Variants in GRID1 observed in about 807,000 individuals in gnomAD.
The protein encoded by GRID1 is glutamate ionotropic receptor delta type subunit 1.
GRID1 carries 28 observed loss-of-function variants against 98.0 expected under a neutral mutation model. The ratio of observed to expected loss-of-function variants is 0.29; its 90% CI spans 0.21 to 0.39. GRID1 has a LOEUF of 0.39. Ranked by LOEUF, GRID1 falls within the 10% of genes least tolerant of loss-of-function variation. The pLI, the probability that GRID1 is intolerant of heterozygous loss-of-function variation, is 1.00. For synonymous variants in GRID1, 553 were observed against 538.5 expected, an observed-to-expected ratio of 1.03 and a Z score of -0.37; for missense variants, 1,111 against 1,340.5, an observed-to-expected ratio of 0.83 and a Z score of 2.67.
At chr10:86,098,814 T>C (rs1589370530) in intron 4 of GRID1, among the ~76,000 whole-genome samples, 1 of 152,366 alleles carries the variant, frequency 6.6e-6, no homozygotes, top group East Asian at 1.9e-4. Context: ...TGTTTGATCA[T>C]GTTCTTTGCA....
chr10:85,853,688 C>T (rs1843081514), intron 8 of GRID1, among the ~76,000 whole-genome samples: 1 of 152,200 alleles, frequency 6.6e-6, no homozygotes, highest in Admixed American at 6.5e-5. Context: ...CCATCAGCTC[C>T]ACATTGGCTC....
intron 8 of GRID1, among the ~76,000 whole-genome samples, chr10:85,782,059 A>C (rs780174826): frequency 1.3e-5 from 2 of 152,250 alleles, no homozygotes; most frequent in African/African-American, 2.4e-5. Context: ...GTTTAATTAC[A>C]ATAAATCCAA....
chr10:85,788,222 T>G (rs1250901804), intron 8 of GRID1, among the ~76,000 whole-genome samples: 2 of 152,066 alleles, frequency 1.3e-5, no homozygotes, highest in African/African-American at 4.8e-5. Flanking sequence ...CCTTTCATGG[T>G]TTGCTCTTTC....
At chr10:86,231,223 T>C (rs1846447268) in intron 2 of GRID1, among the ~76,000 whole-genome samples, 1 of 152,164 alleles carries the variant, frequency 6.6e-6, no homozygotes, top group Non-Finnish European at 1.5e-5. Context: ...CGGAAATGGT[T>C]GGTTTGCTGC....
At chr10:86,321,018 T>C (rs1264996630) in intron 2 of GRID1, among the ~76,000 whole-genome samples, 1 of 149,366 alleles carries the variant, frequency 6.7e-6, no homozygotes, top group Non-Finnish European at 1.5e-5. Context: ...GAGAATGCCG[T>C]GAACCTGGGA....
chr10:85,762,678 G>T (rs1168703936), intron 8 of GRID1, among the ~76,000 whole-genome samples: 1 of 152,208 alleles, frequency 6.6e-6, no homozygotes, highest in Admixed American at 6.5e-5. Context: ...AGCGACAGAG[G>T]CTTTCACAGA....
At chr10:85,831,120 T>A (rs531697285) in intron 8 of GRID1, among the ~76,000 whole-genome samples, 1 of 133,534 alleles carries the variant, frequency 7.5e-6, no homozygotes, top group African/African-American at 3.4e-5. Context: ...TGGAATACTA[T>A]GTAGCTATAA....
intron 8 of GRID1, among the ~76,000 whole-genome samples, chr10:85,838,462 C>G (rs771329054): frequency 6.6e-6 from 1 of 152,172 alleles, no homozygotes; most frequent in Non-Finnish European, 1.5e-5. Flanking sequence ...CTACAGACCT[C>G]TCAGCTGAAA....
intron 3 of GRID1, among the ~76,000 whole-genome samples, chr10:86,157,122 A>G (rs546347155): frequency 6.6e-6 from 1 of 152,316 alleles, no homozygotes; most frequent in African/African-American, 2.4e-5. Flanking sequence ...TCCACGAAAC[A>G]GAGAAGGAGG....
chr10:86,117,621 C>A (rs1227833165), intron 4 of GRID1, among the ~76,000 whole-genome samples: 1 of 150,500 alleles, frequency 6.6e-6, no homozygotes, highest in Non-Finnish European at 1.5e-5. Context: ...TCACCACCAC[C>A]ACCATCACCA....
intron 8 of GRID1, among the ~76,000 whole-genome samples, chr10:85,804,378 C>T (rs1842603687): frequency 6.6e-6 from 1 of 151,796 alleles, no homozygotes; most frequent in African/African-American, 2.4e-5. Context: ...ATATTGAATT[C>T]ATAATTCAAA....
chr10:85,974,781 T>C (rs575468296), intron 4 of GRID1, among the ~76,000 whole-genome samples: 2 of 152,288 alleles, frequency 1.3e-5, no homozygotes, highest in East Asian at 3.9e-4. Flanking sequence ...CACGCACCAC[T>C]ATGCCTGGCT....
At chr10:86,042,509 A>G (rs1843360942) in intron 4 of GRID1, among the ~76,000 whole-genome samples, 1 of 152,324 alleles carries the variant, frequency 6.6e-6, no homozygotes, top group South Asian at 2.1e-4. Context: ...CTCTGTGGGC[A>G]TCAACTGGAA....
At chr10:85,731,785 G>C (rs1841826150) in intron 8 of GRID1, among the ~76,000 whole-genome samples, 1 of 123,174 alleles carries the variant, frequency 8.1e-6, no homozygotes, top group African/African-American at 3.1e-5. Context: ...CTGGGCAACA[G>C]AGTGAGACCC....
chr10:85,885,894 C>T (rs889537933), intron 5 of GRID1, among the ~76,000 whole-genome samples: 11 of 152,204 alleles, frequency 7.2e-5, no homozygotes. Context: ...TGAGGACACA[C>T]CCAGCTTCAG....
rs574662734 is a variant in GRID1 at position 85,678,996 on chromosome 10, CAG to C, written c.1998-31601_1998-31600del. On this transcript the variant is annotated intron_variant, in intron 12 of 15. Coordinates refer to ENST00000327946, the MANE Select transcript of GRID1 (RefSeq NM_017551.3). ...TAGGTAATCTACACCTGACATAAAA[CAG>C]ACTCTCAAACAACACTGATGATTTA... 1.2e-4 allele frequency among the ~76,000 whole-genome samples: 19 copies of C among 152,346 alleles called. No individual in the cohort carries two copies. The East Asian group carries it at 3.7e-3, about 29-fold the overall frequency.
intron 4 of GRID1, among the ~76,000 whole-genome samples, chr10:85,978,945 C>T (rs1462439529): frequency 6.6e-6 from 1 of 152,186 alleles, no homozygotes; most frequent in Non-Finnish European, 1.5e-5. Context: ...AAGTGTCTTG[C>T]CCAGTTCACA....
At chr10:86,010,254 G>C (rs1267583795) in intron 4 of GRID1, among the ~76,000 whole-genome samples, 2 of 152,210 alleles carry the variant, frequency 1.3e-5, no homozygotes, top group African/African-American at 4.8e-5. Flanking sequence ...TAATTCATTA[G>C]ACAAATATCC....
At chr10:85,747,662 A>G (rs1842009890) in intron 8 of GRID1, among the ~76,000 whole-genome samples, 1 of 152,236 alleles carries the variant, frequency 6.6e-6, no homozygotes, top group Admixed American at 6.5e-5. Flanking sequence ...CATAACAATA[A>G]TAAAGCCTAC....
Sources: gnomAD v4.1 joint callset for allele counts (sites outside exome capture counted in the v4.1 genomes callset) on GRCh38, gnomAD v4.1.1 for gene constraint, MANE v1.5 for transcripts, NCBI Gene and HGNC (gene_info 2026-07-23, HGNC 2026-07-21) for gene names.